The following CNTN4 variants were observed in gnomAD, a reference collection of about 807,000 sequenced individuals.
CNTN4 encodes the protein contactin-4.
Under a neutral mutation model 122.5 loss-of-function variants are expected in CNTN4, and 77 were observed. That is an observed-to-expected ratio of 0.63 (90% CI 0.52 to 0.76). The LOEUF (loss-of-function observed/expected upper bound fraction) is 0.76, where lower values mean the gene tolerates loss of function less well. Among genes scored for constraint, CNTN4 ranks in the 30% least tolerant of loss-of-function variants. CNTN4 has a pLI of 0.00. For missense variants in CNTN4, 1,256 were observed against 1,259.1 expected, an observed-to-expected ratio of 1.00 and a Z score of 0.04; for synonymous variants, 512 against 447.0, an observed-to-expected ratio of 1.15 and a Z score of -1.83.
intron 23 of CNTN4, among the ~76,000 whole-genome samples, chr3:3,046,199 A>C (rs1447720482): frequency 1.3e-5 from 2 of 152,224 alleles, no homozygotes; most frequent in Non-Finnish European, 2.9e-5. Flanking sequence ...GTTGGAAAAC[A>C]CTCTGCAGGA....
At chr3:2,313,018 C>T (rs1440615777) in intron 2 of CNTN4, among the ~76,000 whole-genome samples, 1 of 151,784 alleles carries the variant, frequency 6.6e-6, no homozygotes, top group Non-Finnish European at 1.5e-5. Context: ...AAAGTTATCA[C>T]ATGACATATT....
chr3:2,635,429 CTGTGAG>C (rs2082621637), intron 4 of CNTN4, among the ~76,000 whole-genome samples: 1 of 152,140 alleles, frequency 6.6e-6, no homozygotes, highest in African/African-American at 2.4e-5. Context: ...AGTGAAAAAT[CTGTGAG>C]TAAAAAAGGT....
At chr3:2,372,875 C>G (rs558793915) in intron 3 of CNTN4, among the ~76,000 whole-genome samples, 6 of 151,996 alleles carry the variant, frequency 3.9e-5, no homozygotes, top group Non-Finnish European at 8.8e-5. Flanking sequence ...TGGTGAAATC[C>G]CATCTCTACT....
intron 3 of CNTN4, among the ~76,000 whole-genome samples, chr3:2,552,131 TA>T (rs1370432258): frequency 6.6e-6 from 1 of 152,030 alleles, no homozygotes; most frequent in Non-Finnish European, 1.5e-5. Flanking sequence ...GAGGCCAGAG[TA>T]AAGGAGCACC....
intron 4 of CNTN4, among the ~76,000 whole-genome samples, chr3:2,696,356 G>A (rs1429592007): frequency 1.3e-5 from 2 of 152,210 alleles, no homozygotes; most frequent in East Asian, 1.9e-4. Flanking sequence ...AAGAGATGAA[G>A]TCTTTTGGGA....
intron 15 of CNTN4, among the ~76,000 whole-genome samples, chr3:3,028,545 G>C (rs920715731): frequency 6.6e-6 from 1 of 152,142 alleles, no homozygotes; most frequent in African/African-American, 2.4e-5. Context: ...CAGGCTGCAA[G>C]TTTCTTTGAC....
intron 14 of CNTN4, among the ~76,000 whole-genome samples, chr3:3,014,791 A>G (rs1697582951): frequency 6.6e-6 from 1 of 151,450 alleles, no homozygotes; most frequent in African/African-American, 2.4e-5. Flanking sequence ...TGTTCCCTGT[A>G]CCTAATTTAA....
At chr3:2,579,552 T>C (rs1324172998) in intron 4 of CNTN4, among the ~76,000 whole-genome samples, 1 of 151,866 alleles carries the variant, frequency 6.6e-6, no homozygotes, top group East Asian at 1.9e-4. Flanking sequence ...TTTTTATCTG[T>C]AAAACAGGCA....
At chr3:2,275,946 AAT>A (rs1358517083) in intron 2 of CNTN4, among the ~76,000 whole-genome samples, 5 of 151,522 alleles carry the variant, frequency 3.3e-5, no homozygotes, top group South Asian at 4.2e-4. Context: ...AACAAAAAAA[AAT>A]ATTAAATCTT....
At chr3:2,804,065 GCACACACA>G (rs71058651) in intron 6 of CNTN4, among the ~76,000 whole-genome samples, 26,027 of 144,344 alleles carry the variant, frequency 0.18, 2,404 homozygotes, top group East Asian at 0.27. Context: ...ATATATGTCT[GCACACACA>G]CACACACACA....
At chr3:2,765,036 G>C (rs114506989) in intron 6 of CNTN4, among the ~76,000 whole-genome samples, 1 of 152,072 alleles carries the variant, frequency 6.6e-6, no homozygotes, top group South Asian at 2.1e-4. Flanking sequence ...ATGCATTTCC[G>C]TCAGAGGGAA....
intron 3 of CNTN4, among the ~76,000 whole-genome samples, chr3:2,365,907 T>A (rs75587545): frequency 0.022 from 3,324 of 152,300 alleles, 131 homozygotes; most frequent in African/African-American, 0.075. Context: ...ATTTTTGTTT[T>A]CGGTTCTGCC....
chr3:2,245,132 C>A (rs971247817), intron 2 of CNTN4, among the ~76,000 whole-genome samples: 5 of 151,906 alleles, frequency 3.3e-5, no homozygotes, highest in African/African-American at 1.2e-4. Context: ...AGAATTGTTC[C>A]CATATCTGGA....
intron 4 of CNTN4, among the ~76,000 whole-genome samples, chr3:2,647,850 G>T (rs955640655): frequency 6.6e-6 from 1 of 152,268 alleles, no homozygotes; most frequent in Admixed American, 6.5e-5. Context: ...GTCATTGTTA[G>T]TTTACAGTTA....
intron 16 of CNTN4, among the ~76,000 whole-genome samples, chr3:3,031,365 A>G (rs183313828): frequency 9.2e-5 from 14 of 152,320 alleles, no homozygotes; most frequent in Admixed American, 3.3e-4. Flanking sequence ...GGCCACTGGT[A>G]TAACAGCAGC....
intron 2 of CNTN4, among the ~76,000 whole-genome samples, chr3:2,159,369 T>A (rs2035860167): frequency 6.6e-6 from 1 of 152,062 alleles, no homozygotes; most frequent in Non-Finnish European, 1.5e-5. Context: ...AGAAAAAAAA[T>A]TGTTAGGCAT....
intron 2 of CNTN4, among the ~76,000 whole-genome samples, chr3:2,107,872 C>A (rs1186001205): frequency 6.6e-6 from 1 of 152,142 alleles, no homozygotes; most frequent in Admixed American, 6.5e-5. Context: ...CATCAGACTT[C>A]CAGTCAAGAA....
chr3:2,277,499 T>G (rs2041559174), intron 2 of CNTN4, among the ~76,000 whole-genome samples: 1 of 152,188 alleles, frequency 6.6e-6, no homozygotes, highest in Non-Finnish European at 1.5e-5. Flanking sequence ...AAACATTTTC[T>G]TTTCTTACCA....
At chr3:2,509,204 G>C (rs2076816693) in intron 3 of CNTN4, among the ~76,000 whole-genome samples, 1 of 152,156 alleles carries the variant, frequency 6.6e-6, no homozygotes, top group Non-Finnish European at 1.5e-5. Flanking sequence ...TGACTGAGGT[G>C]CACAATTGCT....
Sources: allele counts gnomAD v4.1 joint callset (sites outside exome capture counted in the v4.1 genomes callset), GRCh38; gene constraint gnomAD v4.1.1; transcripts MANE v1.5; gene names NCBI Gene and HGNC (gene_info 2026-07-23, HGNC 2026-07-21).